The following CAB39 variants were observed in gnomAD, a reference collection of about 807,000 sequenced individuals.
CAB39 encodes calcium-binding protein 39.
A neutral mutation model predicts 40.0 loss-of-function variants in CAB39; 8 were observed. The observed-to-expected ratio is 0.20, with a 90% CI of 0.12 to 0.36. The LOEUF is 0.36. Ranked by LOEUF, CAB39 falls within the 10% of genes least tolerant of loss-of-function variation. CAB39 has a pLI of 1.00. For synonymous variants in CAB39, 156 were observed against 141.6 expected, an observed-to-expected ratio of 1.10 and a Z score of -0.72; for missense variants, 270 against 401.1, an observed-to-expected ratio of 0.67 and a Z score of 2.79.
chr2:230,812,859 T>C (rs1575964791), intron 6 of CAB39, among the ~76,000 whole-genome samples: 1 of 152,218 alleles, frequency 6.6e-6, no homozygotes, highest in African/African-American at 2.4e-5. Context: ...AAATAATACA[T>C]AAACTTTTCA....
chr2:230,786,201 C>T (rs1360091132), intron 2 of CAB39, among the ~76,000 whole-genome samples: 4 of 149,132 alleles, frequency 2.7e-5, no homozygotes, highest in Non-Finnish European at 5.9e-5. Flanking sequence ...GATGGAGTCT[C>T]ACCATGTTGC....
chr2:230,803,125 C>T (rs1320233051), intron 5 of CAB39, among the ~76,000 whole-genome samples: 1 of 152,124 alleles, frequency 6.6e-6, no homozygotes, highest in Non-Finnish European at 1.5e-5. Context: ...AAACATAATC[C>T]GTCACATAAA....
intron 2 of CAB39, among the ~76,000 whole-genome samples, chr2:230,767,068 G>A (rs949076726): frequency 6.6e-6 from 1 of 152,154 alleles, no homozygotes; most frequent in Non-Finnish European, 1.5e-5. Flanking sequence ...AGTAAATATG[G>A]AATATAGTTA....
At chr2:230,815,961 C>T (rs75798285) in intron 7 of CAB39, among the ~76,000 whole-genome samples, 3,677 of 152,270 alleles carry the variant, frequency 0.024, 87 homozygotes, top group Non-Finnish European at 0.036. Context: ...TGCAAGACTC[C>T]CAAGTTTTTT....
intron 2 of CAB39, among the ~76,000 whole-genome samples, chr2:230,787,293 GAT>G (rs1315684352): frequency 2.0e-5 from 3 of 152,162 alleles, no homozygotes; most frequent in African/African-American, 7.2e-5. Flanking sequence ...ATGATTCAAA[GAT>G]ATGATGGGCT....
intron 1 of CAB39, among the ~76,000 whole-genome samples, chr2:230,748,350 C>T (rs896385271): frequency 3.3e-5 from 5 of 152,116 alleles, no homozygotes; most frequent in African/African-American, 1.2e-4. Context: ...TTTGTACTTC[C>T]TATTGTGTTG....
intron 1 of CAB39, among the ~76,000 whole-genome samples, chr2:230,724,622 G>A (rs879540595): frequency 2.0e-5 from 3 of 149,072 alleles, no homozygotes; most frequent in East Asian, 2.0e-4. Context: ...CGGAGGTTGC[G>A]GTGAGCCAAG....
At chr2:230,734,923 A>G (rs1391429121) in intron 1 of CAB39, among the ~76,000 whole-genome samples, 1 of 152,070 alleles carries the variant, frequency 6.6e-6, no homozygotes, top group East Asian at 1.9e-4. Flanking sequence ...AACCACCAAT[A>G]TTTGGTGGCG....
At position 230,713,230 on chromosome 2, in the gene CAB39, C is replaced by T. The variant is rs1400177229; in HGVS notation, c.-44C>T. 1 of 152,278 alleles carries T rather than the reference C, an allele frequency of 6.6e-6. No homozygotes were observed. Among genetic ancestry groups the T allele is most frequent in the African/African-American group, 2.4e-5 (1 of 41,448 alleles). 9.4% of individuals were successfully genotyped at this position (152,278 alleles called of 1,614,324 possible). Reference sequence around the variant, plus strand: ...GAGAAGGGAACGCCCGGCCCAGCCCCGTGAGTGACCCCCGGCCGGCCCTGC... The same window carrying T: ...GAGAAGGGAACGCCCGGCCCAGCCCTGTGAGTGACCCCCGGCCGGCCCTGC... On this transcript the variant is annotated splice_region_variant and 5_prime_UTR_variant, in exon 1 of 9. Transcript: ENST00000258418.
intron 2 of CAB39, among the ~76,000 whole-genome samples, chr2:230,773,346 GTGTTACA>G (rs1695526144): frequency 6.6e-6 from 1 of 151,230 alleles, no homozygotes; most frequent in African/African-American, 2.4e-5. Context: ...GTGTGTGTGT[GTGTTACA>G]TTAGGTACTT....
intron 2 of CAB39, among the ~76,000 whole-genome samples, chr2:230,780,974 C>T (rs1349316791): frequency 6.6e-6 from 1 of 151,626 alleles, no homozygotes; most frequent in South Asian, 2.1e-4. Flanking sequence ...CCCAGCTACT[C>T]GGGAGGCTGA....
At chr2:230,751,255 A>G (rs1419290452) in intron 1 of CAB39, among the ~76,000 whole-genome samples, 2 of 152,236 alleles carry the variant, frequency 1.3e-5, no homozygotes, top group East Asian at 3.8e-4. Context: ...ATGTTAGTGT[A>G]GAGTCTTGTG....
chr2:230,761,888 T>G (rs545256832), intron 2 of CAB39, among the ~76,000 whole-genome samples: 7 of 149,842 alleles, frequency 4.7e-5, no homozygotes, highest in African/African-American at 1.5e-4. Flanking sequence ...TTGTTTTTTA[T>G]TTGTTGTTGT....
At position 230,814,048 on chromosome 2, in the gene CAB39, G is replaced by A; in HGVS notation, c.628-1G>A. 1 of 433,460 alleles carries A rather than the reference G, an allele frequency of 2.3e-6. No homozygotes were observed. The highest frequency in any genetic ancestry group is 3.1e-5 in the South Asian group (1 of 32,044). The allele number at this position is 433,460 out of a possible 1,614,324, so 26.9% of individuals were successfully genotyped here. A position where few individuals can be genotyped will look rare whatever the true frequency, so the allele number is the denominator to read the frequency against. ...CTGATTTATGTTCTCTTATCTTTTA[G>A]TTTTTCAGTGAATATGAGAAGTTAC... On this transcript the variant is annotated splice_acceptor_variant, in intron 6 of 8. Coordinates refer to ENST00000258418, the MANE Select transcript of CAB39 (RefSeq NM_016289.4). LOFTEE classifies it high-confidence loss of function.
intron 1 of CAB39, among the ~76,000 whole-genome samples, chr2:230,751,949 G>GT (rs1224048771): frequency 2.0e-5 from 3 of 147,212 alleles, no homozygotes; most frequent in Non-Finnish European, 4.5e-5. Flanking sequence ...CAGTATAACC[G>GT]TTTTTTAAAA....
chr2:230,787,901 T>C (rs1388192934), intron 2 of CAB39, among the ~76,000 whole-genome samples: 2 of 152,216 alleles, frequency 1.3e-5, no homozygotes, highest in Admixed American at 1.3e-4. Flanking sequence ...GTAGACAGTG[T>C]AGTGAAGCAA....
intron 1 of CAB39, among the ~76,000 whole-genome samples, chr2:230,743,279 T>C (rs1402541574): frequency 1.3e-5 from 2 of 152,148 alleles, no homozygotes; most frequent in African/African-American, 2.4e-5. Flanking sequence ...AGGCCGGCTA[T>C]GTCTGCACAG....
chr2:230,799,054 A>C, intron 5 of CAB39, 157 bp downstream of exon 5: 2 of 547,952 alleles, frequency 3.6e-6, no homozygotes, highest in South Asian at 3.2e-5. Context: ...TATATGCAGT[A>C]AAGTCACAGC....
chr2:230,758,168 A>G (rs1222521475), intron 1 of CAB39, among the ~76,000 whole-genome samples: 1 of 151,992 alleles, frequency 6.6e-6, no homozygotes, highest in Non-Finnish European at 1.5e-5. Flanking sequence ...TTGGTGGTGC[A>G]CACCTATAGT....
Sources: gnomAD v4.1 joint callset for allele counts (sites outside exome capture counted in the v4.1 genomes callset) on GRCh38, gnomAD v4.1.1 for gene constraint, MANE v1.5 for transcripts, NCBI Gene and HGNC (gene_info 2026-07-23, HGNC 2026-07-21) for gene names.